The following MON2 variants were observed in gnomAD, a reference collection of about 807,000 sequenced individuals.
MON2 encodes protein MON2 homolog.
In MON2, 84 loss-of-function variants were observed where a neutral mutation model predicts 208.6. That is an observed-to-expected ratio of 0.40 (90% CI 0.34 to 0.48). The LOEUF (loss-of-function observed/expected upper bound fraction) is 0.48, where lower values mean the gene tolerates loss of function less well. MON2 is among the 20% of genes least tolerant of loss of function. The probability of loss-of-function intolerance (pLI) is 0.59; values close to 1 mark genes in which losing one functional copy is unlikely to be tolerated. For missense variants in MON2, 1,611 were observed against 2,015.4 expected (o/e 0.80, Z 3.84); for synonymous variants, 660 against 694.0 (o/e 0.95, Z 0.77).
In MON2 at chr12:62,534,550, T is replaced by A. The variant is rs1208633798; in HGVS notation, c.1634-295T>A. On this transcript the variant is annotated intron_variant, in intron 12 of 34. Coordinates refer to ENST00000393630, the MANE Select transcript of MON2 (RefSeq NM_015026.3). ...AAAAAAAAAAAAAAAAAAATATATATATATATATATATATATATTTTATAT... is the reference window on the plus strand; with the variant it reads ...AAAAAAAAAAAAAAAAAAATATATAAATATATATATATATATATTTTATAT... Among the ~76,000 whole-genome samples the A allele has an allele frequency of 5.0e-3, 560 of 111,374 alleles. 8 individuals carry two copies. Among genetic ancestry groups the A allele is most frequent in the Non-Finnish European group, 8.5e-3 (472 of 55,744 alleles). The allele number at this position is 111,374 out of a possible 152,430, so 73.1% of individuals were successfully genotyped here. A position where few individuals can be genotyped will look rare whatever the true frequency, so the allele number is the denominator to read the frequency against.
intron 19 of MON2, among the ~76,000 whole-genome samples, chr12:62,542,766 T>C (rs1401837753): frequency 6.6e-6 from 1 of 152,178 alleles, no homozygotes; most frequent in African/African-American, 2.4e-5. Flanking sequence ...TAAAACCTGG[T>C]CATTTTAAGA....
chr12:62,558,939 C>T (rs2074097790), intron 25 of MON2, among the ~76,000 whole-genome samples: 1 of 152,086 alleles, frequency 6.6e-6, no homozygotes, highest in African/African-American at 2.4e-5. Flanking sequence ...CTCTGGTGAT[C>T]CACCCGCCTT....
Position 62,467,121 on chromosome 12 carries a change from G to A in MON2, c.-87G>A. ...GGGCTGCTGAAGGACCAGAGACACC[G>A]GGAGGGAGCTGCCTGTGGCCCTAAG... On this transcript the variant is annotated 5_prime_UTR_variant, in exon 1 of 35. Coordinates refer to ENST00000393630, the MANE Select transcript of MON2 (RefSeq NM_015026.3). 9.3e-7 allele frequency: 1 copy of A among 1,080,270 alleles called. No homozygotes were observed. The highest frequency in any genetic ancestry group is 1.4e-6 in the Non-Finnish European group (1 of 727,974). The allele number at this position is 1,080,270 out of a possible 1,614,324, so 66.9% of individuals were successfully genotyped here.
intron 25 of MON2, 79 bp downstream of exon 25, chr12:62,556,271 G>A (rs2073961827): frequency 7.6e-7 from 1 of 1,322,406 alleles, no homozygotes; most frequent in Admixed American, 2.0e-5. Flanking sequence ...TTCTTTTAGA[G>A]TCTATCTTAA....
intron 22 of MON2, among the ~76,000 whole-genome samples, chr12:62,549,335 T>C (rs1016353755): frequency 9.2e-5 from 14 of 151,738 alleles, no homozygotes; most frequent in Admixed American, 1.3e-4. Flanking sequence ...AATGCATAAG[T>C]AAGGCTGGGT....
intron 24 of MON2, among the ~76,000 whole-genome samples, chr12:62,554,690 C>G (rs762430394): frequency 5.3e-5 from 8 of 152,008 alleles, no homozygotes; most frequent in African/African-American, 9.7e-5. Context: ...TAGAGATAGT[C>G]TCACCATATT....
Position 62,553,072 on chromosome 12 carries a change from C to A in MON2, c.3108C>A (p.Pro1036=). Residue 1036 remains proline (P), a synonymous_variant, in exon 24 of 35, where the codon CCC becomes CCA. Coordinates refer to ENST00000393630, the MANE Select transcript of MON2 (RefSeq NM_015026.3). ...AATTGGGTGAACTATGTGTGGATCC[C>A]CGTCCTGCTGTCAGGAAGAGTGCAG... The part of the protein sequence containing the change: ...YAKLGELCVD[P]RPAVRKSAGQ... The A allele has an allele frequency of 6.2e-7, 1 of 1,614,114 alleles. No homozygotes were observed. Among genetic ancestry groups the A allele is most frequent in the Non-Finnish European group, 8.5e-7 (1 of 1,180,010 alleles).
intron 25 of MON2, among the ~76,000 whole-genome samples, chr12:62,557,943 TA>T (rs1565683339): frequency 0.064 from 2,401 of 37,638 alleles, 127 homozygotes; most frequent in Non-Finnish European, 0.073. Context: ...TATATATATA[TA>T]TATATATATA....
intron 19 of MON2, among the ~76,000 whole-genome samples, chr12:62,539,301 C>G (rs541279527): frequency 1.3e-5 from 2 of 151,350 alleles, no homozygotes; most frequent in African/African-American, 4.8e-5. Context: ...GGAGTCTCGC[C>G]TTGTCGCCCA....
chr12:62,537,699 C>G lies in MON2; in HGVS notation c.2111C>G (p.Thr704Ser). Reference sequence around the variant, plus strand: ...ACATCATGGCAACTTGTCTTGGCAACTCTTCAGGTATGTAAAAGTGTCTAG... The same window carrying G: ...ACATCATGGCAACTTGTCTTGGCAAGTCTTCAGGTATGTAAAAGTGTCTAG... ...LGTSWQLVLATLQHLVWILGL... is the reference protein window; with the variant it reads ...LGTSWQLVLASLQHLVWILGL... Residue 704 changes from threonine (T) to serine (S), a missense_variant, in exon 16 of 35, where the codon ACT becomes AGT. Thr to Ser is a moderately conservative substitution (Grantham distance 58). Transcript: ENST00000393630. 1 of 1,610,288 alleles carries G rather than the reference C, an allele frequency of 6.2e-7. No individual in the cohort carries two copies. Among genetic ancestry groups the G allele is most frequent in the Non-Finnish European group, 8.5e-7 (1 of 1,177,956 alleles).
chr12:62,525,759 T>C (rs921658620), intron 10 of MON2, among the ~76,000 whole-genome samples, 190 bp from the exon 11 acceptor site: 5 of 152,234 alleles, frequency 3.3e-5, no homozygotes, highest in Non-Finnish European at 7.3e-5. Context: ...AAAAGGGAAA[T>C]GGTATTTTAG....
chr12:62,571,755 C>A (rs773866739), intron 30 of MON2, among the ~76,000 whole-genome samples, 173 bp downstream of exon 30: 4 of 152,174 alleles, frequency 2.6e-5, no homozygotes, highest in Non-Finnish European at 5.9e-5. Flanking sequence ...TATCCATGAA[C>A]AATGGAGATT....
At position 62,543,204 on chromosome 12, in the gene MON2, TTC is replaced by T. The variant is rs146852110; in HGVS notation, c.2466+10_2466+11del. 5,499 of 1,430,772 alleles carry T rather than the reference TTC, an allele frequency of 3.8e-3. 183 individuals are homozygous for T. In the African/African-American group the frequency reaches 0.069, roughly 18 times the overall value. 88.6% of individuals were successfully genotyped at this position (1,430,772 alleles called of 1,614,324 possible). A position where few individuals can be genotyped will look rare whatever the true frequency, so the allele number is the denominator to read the frequency against. On this transcript the variant is annotated splice_region_variant and intron_variant, in intron 20 of 34. Transcript: ENST00000393630. ...TGACTGGCCATCTACTTGAGGTAAA[TTC>T]TCTTTCTTAAATATATTTAATTTTT...
intron 2 of MON2, chr12:62,489,949 C>A: frequency 5.8e-6 from 4 of 690,018 alleles, no homozygotes; most frequent in South Asian, 1.9e-5. Flanking sequence ...TTTTTAATGG[C>A]TGTTAAAATT....
At chr12:62,515,077 G>A (rs2071618312) in intron 8 of MON2, among the ~76,000 whole-genome samples, 1 of 152,194 alleles carries the variant, frequency 6.6e-6, no homozygotes, top group Non-Finnish European at 1.5e-5. Flanking sequence ...AAGCAGTATG[G>A]AGGTTCCTCA....
At chr12:62,525,834 C>G in intron 10 of MON2, 115 bp from the exon 11 acceptor site, 1 of 808,326 alleles carries the variant, frequency 1.2e-6, no homozygotes, top group Non-Finnish European at 2.0e-6. Context: ...TCTGCAATAC[C>G]CATTCTGATA....
In MON2 at chr12:62,592,693, C is replaced by A. The variant is rs1271151349; in HGVS notation, c.5098C>A (p.Pro1700Thr). 6.2e-7 allele frequency: 1 copy of A among 1,608,162 alleles called. No homozygotes were observed. Among genetic ancestry groups the A allele is most frequent in the Non-Finnish European group, 8.5e-7 (1 of 1,175,756 alleles). ...TTCTGCACTTAAAGAGGCACTAGTT[C>A]CTTTTAAGGATTTCATGCAGCCACC... ...VCSALKEALV[P>T]FKDFMQPPAS... The change falls in exon 35 of 35, where the codon CCT (proline) becomes ACT (threonine). Residue 1700 changes from proline to threonine, a missense_variant. Coordinates refer to ENST00000393630, the MANE Select transcript of MON2 (RefSeq NM_015026.3).
intron 32 of MON2, among the ~76,000 whole-genome samples, chr12:62,581,502 G>A (rs1379306520): frequency 6.6e-6 from 1 of 152,164 alleles, no homozygotes. Flanking sequence ...ACGGAGTTAT[G>A]ATTGTACCAC....
chr12:62,510,788 G>C (rs2071356040), intron 8 of MON2, among the ~76,000 whole-genome samples: 2 of 152,140 alleles, frequency 1.3e-5, no homozygotes, highest in African/African-American at 4.8e-5. Flanking sequence ...GGAACTCCTA[G>C]CCAGAGTAAC....
Sources: allele counts gnomAD v4.1 joint callset (sites outside exome capture counted in the v4.1 genomes callset), GRCh38; gene constraint gnomAD v4.1.1; transcripts MANE v1.5; gene names NCBI Gene and HGNC (gene_info 2026-07-23, HGNC 2026-07-21).